The following NINL variants were observed in gnomAD, a reference collection of about 807,000 sequenced individuals.
NINL encodes the protein ninein-like protein.
NINL carries 153 observed loss-of-function variants against 160.3 expected under a neutral mutation model. The ratio of observed to expected loss-of-function variants is 0.95; its 90% CI spans 0.84 to 1.09. NINL has a LOEUF of 1.09. Among genes scored for constraint, NINL ranks in the 50% least tolerant of loss-of-function variants. NINL has a pLI of 0.00. For synonymous variants in NINL, 800 were observed against 734.8 expected, an observed-to-expected ratio of 1.09 and a Z score of -1.43; for missense variants, 1,829 against 1,764.0, an observed-to-expected ratio of 1.04 and a Z score of -0.66.
Position 25,461,508 on chromosome 20 carries a change from T to TCGCTCACACCCAC in NINL, c.3696+1_3696+13dup, listed in dbSNP as rs751759953. The stretch of plus-strand genomic sequence containing the variant: ...GGACTGGACCCAGTGCCTCCAGCCA[T>TCGCTCACACCCAC]CGCTCACACCCACCTGGTCTTGACT... On this transcript the variant is annotated intron_variant, in intron 21 of 23. Coordinates refer to ENST00000278886, the MANE Select transcript of NINL (RefSeq NM_025176.6). The TCGCTCACACCCAC allele has an allele frequency of 3.3e-6, 5 of 1,497,634 alleles. No individual in the cohort carries two copies. In the South Asian group the frequency reaches 6.5e-5, roughly 20 times the overall value. 92.8% of individuals were successfully genotyped at this position (1,497,634 alleles called of 1,614,324 possible).
At chr20:25,572,808 A>G (rs1277924970) in intron 1 of NINL, among the ~76,000 whole-genome samples, 1 of 152,236 alleles carries the variant, frequency 6.6e-6, no homozygotes, top group African/African-American at 2.4e-5. Flanking sequence ...CCCTAGTGTC[A>G]TGTAAGAATC....
intron 1 of NINL, among the ~76,000 whole-genome samples, chr20:25,574,565 C>T (rs983022536): frequency 6.6e-5 from 10 of 152,176 alleles, no homozygotes; most frequent in Non-Finnish European, 1.5e-4. Context: ...GCATGCCCCA[C>T]TTTACAGGAA....
At chr20:25,497,321 G>A (rs1345832223) in intron 9 of NINL, among the ~76,000 whole-genome samples, 1 of 152,238 alleles carries the variant, frequency 6.6e-6, no homozygotes, top group Non-Finnish European at 1.5e-5. Context: ...CCCAGCTGAG[G>A]CACTGTGTAA....
rs767229844 is a variant in NINL, at chr20:25,452,757, A to G, written c.*694T>C. The G allele has an allele frequency of 6.6e-6, 1 of 152,588 alleles. No individual in the cohort carries two copies. The highest frequency in any genetic ancestry group is 1.5e-5 in the Non-Finnish European group (1 of 68,032). The allele number at this position is 152,588 out of a possible 1,614,324, so 9.5% of individuals were successfully genotyped here. ...GTGACTTTTTATATTACAGTAGTAC[A>G]TTCCAATCAGCCATATGGCCATAAT... is the stretch of plus-strand genomic sequence containing the variant. On this transcript the variant is annotated 3_prime_UTR_variant, in exon 24 of 24. Coordinates refer to ENST00000278886, the MANE Select transcript of NINL (RefSeq NM_025176.6).
At chr20:25,470,117 AC>A (rs1484646108) in intron 17 of NINL, 22 bp from the exon 18 acceptor site, 2 of 1,597,414 alleles carry the variant, frequency 1.3e-6, no homozygotes, top group Admixed American at 3.3e-5. Flanking sequence ...TTGAGAAAAG[AC>A]CGGTGAGCAC....
intron 17 of NINL, among the ~76,000 whole-genome samples, chr20:25,472,109 A>G (rs1256402777): frequency 1.3e-5 from 2 of 152,100 alleles, no homozygotes; most frequent in Non-Finnish European, 2.9e-5. Flanking sequence ...AAATGAACAA[A>G]AAGTCAATGT....
chr20:25,498,881 T>C, intron 8 of NINL: 1 of 982,858 alleles, frequency 1.0e-6, no homozygotes, highest in Non-Finnish European at 1.2e-6. Flanking sequence ...AAGAATACAC[T>C]AATAAACTTC....
chr20:25,509,989 G>T (rs6050656), intron 5 of NINL, among the ~76,000 whole-genome samples: 2 of 152,190 alleles, frequency 1.3e-5, no homozygotes, highest in African/African-American at 4.8e-5. Context: ...CCAGAAATGC[G>T]GTGAGGGAGC....
chr20:25,584,298 C>G (rs910484015), intron 1 of NINL, among the ~76,000 whole-genome samples: 5 of 151,882 alleles, frequency 3.3e-5, no homozygotes, highest in African/African-American at 7.3e-5. Flanking sequence ...ATGGTGAAAC[C>G]CCCATCTCCA....
chr20:25,471,741 C>T (rs1026967653), intron 17 of NINL, among the ~76,000 whole-genome samples: 3 of 152,212 alleles, frequency 2.0e-5, no homozygotes, highest in Non-Finnish European at 2.9e-5. Context: ...GACACCTGCA[C>T]CAGACAGGGC....
intron 1 of NINL, among the ~76,000 whole-genome samples, chr20:25,544,220 C>T (rs1043622744): frequency 1.3e-5 from 2 of 151,774 alleles, no homozygotes; most frequent in African/African-American, 2.4e-5. Context: ...AAAACAGTGA[C>T]GATGAGTGGC....
At chr20:25,530,179 T>C (rs1199376208) in intron 1 of NINL, among the ~76,000 whole-genome samples, 1 of 152,226 alleles carries the variant, frequency 6.6e-6, no homozygotes, top group East Asian at 1.9e-4. Flanking sequence ...AATCACTGCT[T>C]GGAACACAGG....
chr20:25,462,925 G>C (rs1311863239), intron 19 of NINL, among the ~76,000 whole-genome samples: 1 of 152,208 alleles, frequency 6.6e-6, no homozygotes, highest in African/African-American at 2.4e-5. Flanking sequence ...AAAGTGCTGG[G>C]ATTATAGGTG....
At chr20:25,527,190 A>G (rs1158701227) in intron 1 of NINL, among the ~76,000 whole-genome samples, 1 of 151,446 alleles carries the variant, frequency 6.6e-6, no homozygotes, top group Admixed American at 6.6e-5. Context: ...GTCTTGCTCT[A>G]TTGCCCAGGC....
intron 13 of NINL, among the ~76,000 whole-genome samples, chr20:25,488,107 C>T (rs1021793457): frequency 1.3e-5 from 2 of 152,210 alleles, no homozygotes; most frequent in Non-Finnish European, 2.9e-5. Context: ...CTGTGTCATA[C>T]AGCACCAGAA....
chr20:25,578,286 T>C (rs2065138486), intron 1 of NINL, among the ~76,000 whole-genome samples: 1 of 151,706 alleles, frequency 6.6e-6, no homozygotes. Context: ...TTTTCTATTT[T>C]TGGTAGAGAC....
intron 8 of NINL, 66 bp from the exon 9 acceptor site, chr20:25,498,412 T>C: frequency 6.3e-7 from 1 of 1,585,696 alleles, no homozygotes; most frequent in East Asian, 2.3e-5. Flanking sequence ...ACCTCTTTGC[T>C]CCCTCCCTGA....
At chr20:25,576,613 T>C (rs1331747805) in intron 1 of NINL, among the ~76,000 whole-genome samples, 2 of 151,374 alleles carry the variant, frequency 1.3e-5, no homozygotes, top group Non-Finnish European at 2.9e-5. Flanking sequence ...CACATGCCAC[T>C]GTGCCTAGCT....
At chr20:25,584,823 A>G (rs1392907791) in intron 1 of NINL, among the ~76,000 whole-genome samples, 2 of 152,230 alleles carry the variant, frequency 1.3e-5, no homozygotes, top group East Asian at 3.9e-4. Context: ...TATGAACCCA[A>G]CGCGATCAGA....
Sources: allele counts gnomAD v4.1 joint callset (sites outside exome capture counted in the v4.1 genomes callset), GRCh38; gene constraint gnomAD v4.1.1; transcripts MANE v1.5; gene names NCBI Gene and HGNC (gene_info 2026-07-23, HGNC 2026-07-21).